CTTNBP2NL: variants seen among roughly 807,000 people sequenced by gnomAD.
CTTNBP2NL encodes the protein CTTNBP2 N-terminal like.
Under a neutral mutation model 32.5 loss-of-function variants are expected in CTTNBP2NL, and 16 were observed. That is an observed-to-expected ratio of 0.49 (90% CI 0.33 to 0.75). The LOEUF is 0.75. CTTNBP2NL is among the 30% of genes least tolerant of loss of function. The pLI is 0.02. For missense variants in CTTNBP2NL, 645 were observed against 756.0 expected, an observed-to-expected ratio of 0.85 and a Z score of 1.72; for synonymous variants, 298 against 289.4, an observed-to-expected ratio of 1.03 and a Z score of -0.30.
upstream of CTTNBP2NL, among the ~76,000 whole-genome samples, chr1:112,394,695 C>G (rs896232751): frequency 6.6e-6 from 1 of 152,198 alleles, no homozygotes; most frequent in African/African-American, 2.4e-5. Context: ...ATAGAGCTGT[C>G]CTTCTGGCTC....
At chr1:112,409,460 A>G (rs943039812) in intron 1 of CTTNBP2NL, among the ~76,000 whole-genome samples, 1 of 152,164 alleles carries the variant, frequency 6.6e-6, no homozygotes, top group Non-Finnish European at 1.5e-5. Context: ...TTTCTATGTC[A>G]GGAGCTATCT....
intron 3 of CTTNBP2NL, among the ~76,000 whole-genome samples, chr1:112,435,162 A>AC (rs1249114326): frequency 6.6e-6 from 1 of 150,878 alleles, no homozygotes; most frequent in Admixed American, 6.6e-5. Flanking sequence ...AAAAAAAAAA[A>AC]AGAAGTGTAC....
At chr1:112,426,497 G>A (rs1392093427) in intron 3 of CTTNBP2NL, among the ~76,000 whole-genome samples, 2 of 151,576 alleles carry the variant, frequency 1.3e-5, no homozygotes, top group Non-Finnish European at 2.9e-5. Context: ...TTGAAGACCA[G>A]CTTGGGCAAT....
chr1:112,405,707 TA>T (rs1379161364), intron 1 of CTTNBP2NL, among the ~76,000 whole-genome samples: 1 of 152,196 alleles, frequency 6.6e-6, no homozygotes, highest in Non-Finnish European at 1.5e-5. Flanking sequence ...AATATACATA[TA>T]AATCTTGCTG....
chr1:112,451,168 T>C (rs1002928126), intron 4 of CTTNBP2NL, among the ~76,000 whole-genome samples: 1 of 152,086 alleles, frequency 6.6e-6, no homozygotes, highest in African/African-American at 2.4e-5. Context: ...TCCATATTTC[T>C]AAATACTGCA....
chr1:112,407,698 A>G (rs1024839180), intron 1 of CTTNBP2NL, among the ~76,000 whole-genome samples: 1 of 152,162 alleles, frequency 6.6e-6, no homozygotes, highest in Non-Finnish European at 1.5e-5. Flanking sequence ...TATTCCAGTA[A>G]TATCTTTCAC....
chr1:112,403,014 A>C lies in CTTNBP2NL; in HGVS notation c.-134+6742A>C, dbSNP rs116062325. On this transcript the variant is annotated intron_variant, in intron 1 of 5. Transcript: ENST00000271277. ...TCTAGTCACCCAGTCTCAAAACCTC[A>C]GCTGATCTGGGATTATTTCCCCTCT... Among the ~76,000 whole-genome samples the C allele has an allele frequency of 7.4e-3, 1,124 of 152,244 alleles. 5 individuals are homozygous for C. The highest frequency in any genetic ancestry group is 0.012 in the Non-Finnish European group (836 of 68,022).
chr1:112,418,394 T>G (rs906585865), intron 3 of CTTNBP2NL, among the ~76,000 whole-genome samples: 1 of 152,134 alleles, frequency 6.6e-6, no homozygotes, highest in Non-Finnish European at 1.5e-5. Context: ...CACTCTCTAT[T>G]GCAGCCAAGA....
chr1:112,460,895 G>C lies in CTTNBP2NL; in HGVS notation c.*3483G>C, dbSNP rs920303382. On this transcript the variant is annotated 3_prime_UTR_variant, in exon 6 of 6. Coordinates refer to ENST00000271277, the MANE Select transcript of CTTNBP2NL (RefSeq NM_018704.3). ...AGTGCTGCCTTGTCAATTTGTGTGT[G>C]TGTGTGTGTATGTGTGTGTGTGTGT... is the stretch of plus-strand genomic sequence containing the variant. 4 of 151,988 alleles carry C rather than the reference G, an allele frequency of 2.6e-5. No individual in the cohort carries two copies. The East Asian group carries it at 7.7e-4, about 29-fold the overall frequency. The allele number at this position is 151,988 out of a possible 1,614,324, so 9.4% of individuals were successfully genotyped here.
At chr1:112,404,690 G>GAT (rs1375523995) in intron 1 of CTTNBP2NL, among the ~76,000 whole-genome samples, 2 of 152,196 alleles carry the variant, frequency 1.3e-5, no homozygotes, top group Admixed American at 1.3e-4. Flanking sequence ...GAGACGGTCA[G>GAT]ATACATATTT....
intron 1 of CTTNBP2NL, among the ~76,000 whole-genome samples, chr1:112,409,584 A>G (rs1393795763): frequency 1.3e-5 from 2 of 152,202 alleles, no homozygotes; most frequent in African/African-American, 4.8e-5. Context: ...ATAGACAGAC[A>G]AACATCTTGC....
chr1:112,430,875 T>G (rs1369435905), intron 3 of CTTNBP2NL, among the ~76,000 whole-genome samples: 1 of 152,150 alleles, frequency 6.6e-6, no homozygotes, highest in Non-Finnish European at 1.5e-5. Context: ...GAGCCACTGT[T>G]CCCGGCCAGC....
chr1:112,453,266 T>G (rs1339227526), intron 4 of CTTNBP2NL, among the ~76,000 whole-genome samples: 1 of 152,048 alleles, frequency 6.6e-6, no homozygotes, highest in African/African-American at 2.4e-5. Context: ...ATAGACAGGT[T>G]TCATGTCCCA....
chr1:112,403,042 C>T (rs941537245), intron 1 of CTTNBP2NL, among the ~76,000 whole-genome samples: 1 of 152,100 alleles, frequency 6.6e-6, no homozygotes, highest in Non-Finnish European at 1.5e-5. Context: ...TCCCCTCTTA[C>T]CTCCCTAAAT....
intron 4 of CTTNBP2NL, among the ~76,000 whole-genome samples, chr1:112,454,062 C>T (rs1650299320): frequency 6.6e-6 from 1 of 152,190 alleles, no homozygotes; most frequent in African/African-American, 2.4e-5. Flanking sequence ...AAAATCTCAG[C>T]TTTCAGGTTT....
intron 3 of CTTNBP2NL, among the ~76,000 whole-genome samples, chr1:112,430,037 G>C (rs61818734): frequency 0.028 from 4,324 of 152,180 alleles, 107 homozygotes; most frequent in Non-Finnish European, 0.039. Flanking sequence ...GTACAGGACA[G>C]GCTATTCATA....
At chr1:112,416,503 C>CTTT (rs11384993) in intron 3 of CTTNBP2NL, among the ~76,000 whole-genome samples, 1 of 145,674 alleles carries the variant, frequency 6.9e-6, no homozygotes. Context: ...GAACTTCATT[C>CTTT]TTTTTTTTTT....
intron 3 of CTTNBP2NL, among the ~76,000 whole-genome samples, chr1:112,441,470 C>T (rs1046200504): frequency 1.3e-4 from 20 of 152,102 alleles, no homozygotes; most frequent in Non-Finnish European, 7.4e-5. Context: ...CTGATTATTT[C>T]TAGTTTGGGG....
intron 3 of CTTNBP2NL, among the ~76,000 whole-genome samples, chr1:112,437,599 C>T (rs1649773144): frequency 6.6e-6 from 1 of 152,196 alleles, no homozygotes; most frequent in African/African-American, 2.4e-5. Context: ...TCTTGGCTCA[C>T]TGCAACCTCT....
Sources: gnomAD v4.1 joint callset for allele counts (sites outside exome capture counted in the v4.1 genomes callset) on GRCh38, gnomAD v4.1.1 for gene constraint, MANE v1.5 for transcripts, NCBI Gene and HGNC (gene_info 2026-07-23, HGNC 2026-07-21) for gene names.